Variants in PCDHGA6 observed in about 807,000 individuals in gnomAD.
PCDHGA6 encodes protocadherin gamma subfamily A, 6, also known as protocadherin gamma-A6.
PCDHGA6 carries 41 observed loss-of-function variants against 60.6 expected under a neutral mutation model. That is an observed-to-expected ratio of 0.68 (90% CI 0.53 to 0.88). The LOEUF is 0.88. Among genes scored for constraint, PCDHGA6 ranks in the 40% least tolerant of loss-of-function variants. The probability of loss-of-function intolerance (pLI) is 0.00; values close to 1 mark genes in which losing one functional copy is unlikely to be tolerated. For synonymous variants in PCDHGA6, 594 were observed against 524.4 expected, an observed-to-expected ratio of 1.13 and a Z score of -1.81; for missense variants, 1,312 against 1,203.0, an observed-to-expected ratio of 1.09 and a Z score of -1.34.
At chr5:141,376,815 T>C in intron 1 of PCDHGA6, 1 of 299,046 alleles carries the variant, frequency 3.3e-6, no homozygotes, top group Admixed American at 4.9e-5. Context: ...GCCTCCCTAG[T>C]AGCTGGGACT....
chr5:141,479,109 A>G (rs925202951), intron 1 of PCDHGA6, among the ~76,000 whole-genome samples: 4 of 152,234 alleles, frequency 2.6e-5, no homozygotes, highest in Admixed American at 2.6e-4. Context: ...TATTTCAAGC[A>G]TTCTACTGGA....
At chr5:141,453,420 C>A (rs2098764964) in intron 1 of PCDHGA6, among the ~76,000 whole-genome samples, 1 of 152,054 alleles carries the variant, frequency 6.6e-6, no homozygotes, top group African/African-American at 2.4e-5. Context: ...GCATAAGCCA[C>A]CACACCTAGC....
chr5:141,376,292 G>C lies in PCDHGA6; in HGVS notation c.2209G>C (p.Gly737Arg), dbSNP rs377013387. The C allele has an allele frequency of 1.9e-5, 30 of 1,614,038 alleles. No individual in the cohort carries two copies. The highest frequency in any genetic ancestry group is 3.3e-4 in the Middle Eastern group (2 of 6,060). Residue 737 changes from glycine (G) to arginine (R), a missense_variant, in exon 1 of 4, where the codon GGC becomes CGC. Gly to Arg is a moderately radical substitution (Grantham distance 125). Transcript: ENST00000517434. ...ASGGGLASMPGSHFVGVEGVR... is the reference protein window; with the variant it reads ...ASGGGLASMPRSHFVGVEGVR... Reference sequence around the variant, plus strand: ...GGGAGGTGGCTTAGCGAGCATGCCCGGCTCGCACTTTGTGGGCGTGGAAGG... The same window carrying C: ...GGGAGGTGGCTTAGCGAGCATGCCCCGCTCGCACTTTGTGGGCGTGGAAGG...
rs757761874 is a variant in PCDHGA6 at position 141,375,430 on chromosome 5, G to A, written c.1347G>A (p.Pro449=). 34 of 1,613,728 alleles carry A rather than the reference G, an allele frequency of 2.1e-5. No individual in the cohort carries two copies. The Admixed American group carries it at 5.2e-4, about 25-fold the overall frequency. ...ATGTGGCAGACACCAACGACAACCC[G>A]CCCACCTTCCCCCATTCATCCTACT... The part of the protein sequence containing the change: ...SLNVADTNDN[P]PTFPHSSYSV... The change falls in exon 1 of 4, where the codon CCG becomes CCA. Residue 449 remains proline, a synonymous_variant. Transcript: ENST00000517434.
intron 1 of PCDHGA6, among the ~76,000 whole-genome samples, chr5:141,483,272 A>T (rs545719861): frequency 4.4e-4 from 67 of 152,196 alleles, no homozygotes; most frequent in African/African-American, 1.4e-3. Flanking sequence ...TGTTTTAGAA[A>T]TATTATTCTG....
At chr5:141,393,683 G>C (rs370409157) in intron 1 of PCDHGA6, 2 of 1,613,850 alleles carry the variant, frequency 1.2e-6, no homozygotes, top group East Asian at 4.5e-5. Flanking sequence ...AACAAACTCC[G>C]TTATTCCAGC....
Position 141,376,069 on chromosome 5 carries a change from G to A in PCDHGA6, c.1986G>A (p.Val662=). 6.2e-7 allele frequency: 1 copy of A among 1,613,452 alleles called. No homozygotes were observed. The highest frequency in any genetic ancestry group is 8.5e-7 in the Non-Finnish European group (1 of 1,179,892). Residue 662 remains valine (V), a synonymous_variant, in exon 1 of 4, where the codon GTG becomes GTA. Transcript: ENST00000517434. ...TCTCCGCCACTGTCACGCTCACCGT[G>A]GCCGTGGCCGACAGGATCCCCGACA... is the stretch of plus-strand genomic sequence containing the variant. The part of the protein sequence containing the change: ...PPLSATVTLT[V]AVADRIPDIL...
chr5:141,379,340 TC>T (rs1433489240), intron 1 of PCDHGA6: 1 of 152,232 alleles, frequency 6.6e-6, no homozygotes, highest in Non-Finnish European at 1.5e-5. Flanking sequence ...TCTTCAAAGC[TC>T]ATTTTCTTGT....
chr5:141,387,299 G>A (rs1405240674), intron 1 of PCDHGA6, among the ~76,000 whole-genome samples: 2 of 152,182 alleles, frequency 1.3e-5, no homozygotes, highest in South Asian at 2.1e-4. Flanking sequence ...AATGTATCCA[G>A]TATATTTCTA....
chr5:141,380,531 A>G (rs1197165586), intron 1 of PCDHGA6, among the ~76,000 whole-genome samples: 4 of 152,346 alleles, frequency 2.6e-5, no homozygotes, highest in African/African-American at 9.6e-5. Flanking sequence ...AATGATTTCA[A>G]TTTGATACAA....
In PCDHGA6 at chr5:141,428,860, CTT is replaced by C. The variant is rs34152666; in HGVS notation, c.2424+52365_2424+52366del. On this transcript the variant is annotated intron_variant, in intron 1 of 3. Transcript: ENST00000517434. The stretch of plus-strand genomic sequence containing the variant: ...ACATTTTCACCATTTTTACGGGAGA[CTT>C]TTTTTTTTTTTGGACGGAGTCTCGC... The C allele has an allele frequency of 7.4e-3, 1,070 of 145,506 alleles. 4 individuals carry two copies. Among genetic ancestry groups the C allele is most frequent in the South Asian group, 0.018 (82 of 4,566 alleles). 9.0% of individuals were successfully genotyped at this position (145,506 alleles called of 1,614,324 possible).
intron 1 of PCDHGA6, chr5:141,410,735 T>C: frequency 7.5e-7 from 1 of 1,336,188 alleles, no homozygotes; most frequent in Non-Finnish European, 1.0e-6. Context: ...CATAGCTTTT[T>C]ACAATATTTT....
Position 141,375,462 on chromosome 5 carries a change from A to G in PCDHGA6, c.1379A>G (p.Tyr460Cys). ...TTCCCCCATTCATCCTACTCAGTCT[A>G]TGTCCTTGAAAACAACCCCAGGGGT... The part of the protein sequence containing the change: ...PTFPHSSYSV[Y>C]VLENNPRGAS... Residue 460 changes from tyrosine (Y) to cysteine (C), a missense_variant, in exon 1 of 4, where the codon TAT becomes TGT. Physicochemically the swap from Tyr to Cys is radical, Grantham distance 194. Transcript: ENST00000517434. 1.2e-6 allele frequency: 2 copies of G among 1,613,908 alleles called. No homozygotes were observed. Among genetic ancestry groups the G allele is most frequent in the Non-Finnish European group, 1.7e-6 (2 of 1,180,004 alleles).
intron 1 of PCDHGA6, among the ~76,000 whole-genome samples, chr5:141,444,982 A>G (rs10066383): frequency 7.1e-4 from 108 of 152,272 alleles, no homozygotes; most frequent in African/African-American, 2.5e-3. Flanking sequence ...ATCCATGAAC[A>G]TGGTATATAT....
At chr5:141,496,886 C>T (rs1562175671) in intron 2 of PCDHGA6, among the ~76,000 whole-genome samples, 1 of 135,246 alleles carries the variant, frequency 7.4e-6, no homozygotes, top group African/African-American at 2.9e-5. Context: ...ACAAGTAACA[C>T]TTAAAAAAAA....
Position 141,433,071 on chromosome 5 carries a change from C to T in PCDHGA6, c.2424+56564C>T, listed in dbSNP as rs2097566106. On this transcript the variant is annotated intron_variant, in intron 1 of 3. Transcript: ENST00000517434. ...TCGCGGAAGAGTCACCTGATCTTCC[C>T]CCAGCCCAACTATGCAGACATGCTC... 2.5e-6 allele frequency: 4 copies of T among 1,614,154 alleles called. No homozygotes were observed. The East Asian group carries it at 8.9e-5, about 36-fold the overall frequency.
chr5:141,409,736 G>A (rs1053484390), intron 1 of PCDHGA6: 3 of 1,613,110 alleles, frequency 1.9e-6, no homozygotes, highest in Non-Finnish European at 2.5e-6. Flanking sequence ...CGCGCAGAGC[G>A]GGGTGGTGTT....
chr5:141,410,238 C>CA, intron 1 of PCDHGA6: 1 of 1,614,046 alleles, frequency 6.2e-7, no homozygotes, highest in Non-Finnish European at 8.5e-7. Context: ...AGCGACCGCC[C>CA]TGTACTCTCT....
At chr5:141,430,986 C>G (rs549700048) in intron 1 of PCDHGA6, 1 of 1,613,762 alleles carries the variant, frequency 6.2e-7, no homozygotes, top group African/African-American at 1.3e-5. Context: ...CAGCTTTTCG[C>G]CCTGAATCCG....
Sources: allele counts gnomAD v4.1 joint callset (sites outside exome capture counted in the v4.1 genomes callset), GRCh38; gene constraint gnomAD v4.1.1; transcripts MANE v1.5; gene names NCBI Gene and HGNC (gene_info 2026-07-23, HGNC 2026-07-21).